ACP1: variants seen among roughly 807,000 people sequenced by gnomAD.
The protein encoded by ACP1 is low molecular weight phosphotyrosine protein phosphatase.
Under a neutral mutation model 23.4 loss-of-function variants are expected in ACP1, and 23 were observed. The observed-to-expected ratio is 0.98, with a 90% CI of 0.71 to 1.39. ACP1 has a LOEUF of 1.39. Among genes scored for constraint, ACP1 ranks in the 40% most tolerant of loss-of-function variants. The pLI is 0.00. For missense variants in ACP1, 180 were observed against 197.7 expected, an observed-to-expected ratio of 0.91 and a Z score of 0.54; for synonymous variants, 72 against 67.2, an observed-to-expected ratio of 1.07 and a Z score of -0.35.
chr2:267,203 AT>A, intron 1 of ACP1, among the ~76,000 whole-genome samples: 1 of 152,208 alleles, frequency 6.6e-6, no homozygotes, highest in East Asian at 1.9e-4. Flanking sequence ...AGAGGGGACT[AT>A]TGTATTTCAA....
Position 275,168 on chromosome 2 carries a change from A to T in ACP1, c.260A>T (p.Asp87Val), listed in dbSNP as rs1303757270. The change falls in exon 4 of 6, where the codon GAT (aspartate) becomes GTT (valine). Residue 87 changes from aspartate (D) to valine (V), a missense_variant. Asp to Val is a radical substitution (Grantham distance 152). Coordinates refer to ENST00000272065, the MANE Select transcript of ACP1 (RefSeq NM_004300.4). ...QITKEDFATFDYILCMDESNL... is the reference protein window; with the variant it reads ...QITKEDFATFVYILCMDESNL... The stretch of plus-strand genomic sequence containing the variant: ...ACCAAAGAAGATTTTGCCACATTTG[A>T]TTATATACTATGTATGGATGAAAGC... The T allele has an allele frequency of 6.5e-7, 1 of 1,544,148 alleles. No homozygotes were observed. Among genetic ancestry groups the T allele is most frequent in the African/African-American group, 1.4e-5 (1 of 73,942 alleles).
At chr2:272,478 T>A (rs567936422) in intron 3 of ACP1, 8 of 1,434,194 alleles carry the variant, frequency 5.6e-6, no homozygotes, top group Non-Finnish European at 7.3e-6. Flanking sequence ...AAGACTTGCC[T>A]GACTTTGGAA....
Position 272,076 on chromosome 2 carries a change from G to A in ACP1, c.157G>A (p.Gly53Arg). The A allele has an allele frequency of 6.2e-7, 1 of 1,614,110 alleles. No individual in the cohort carries two copies. Among genetic ancestry groups the A allele is most frequent in the South Asian group, 1.1e-5 (1 of 91,086 alleles). ...DSAATSGYEI[G>R]NPPDYRGQSC... The stretch of plus-strand genomic sequence containing the variant: ...CGCGGCAACTTCCGGGTATGAGATA[G>A]GGAACCCCCCTGACTACCGAGGGCA... The change falls in exon 3 of 6, where the codon GGG becomes AGG. Residue 53 changes from glycine to arginine, a missense_variant. By Grantham distance (125) the Gly-to-Arg change is moderately radical. Coordinates refer to ENST00000272065, the MANE Select transcript of ACP1 (RefSeq NM_004300.4).
chr2:277,327 G>A lies in ACP1; in HGVS notation c.*23G>A, dbSNP rs1363503621. On this transcript the variant is annotated 3_prime_UTR_variant, in exon 6 of 6. Coordinates refer to ENST00000272065, the MANE Select transcript of ACP1 (RefSeq NM_004300.4). ...TGAGGCAGGTTCGTGCCCTGCTGCGGCCAGCCTGACTAGACCCCACCCTGA... is the reference window on the plus strand; with the variant it reads ...TGAGGCAGGTTCGTGCCCTGCTGCGACCAGCCTGACTAGACCCCACCCTGA... 6.2e-7 allele frequency: 1 copy of A among 1,610,598 alleles called. No individual in the cohort carries two copies. Among genetic ancestry groups the A allele is most frequent in the Non-Finnish European group, 8.5e-7 (1 of 1,178,490 alleles).
At chr2:270,313 C>G (rs986612293) in intron 1 of ACP1, among the ~76,000 whole-genome samples, 1 of 152,114 alleles carries the variant, frequency 6.6e-6, no homozygotes, top group African/African-American at 2.4e-5. Context: ...AAATGTTGGC[C>G]CAGTGTTTTA....
Position 277,451 on chromosome 2 carries a change from G to A in ACP1, c.*147G>A, listed in dbSNP as rs1670206672. On this transcript the variant is annotated 3_prime_UTR_variant, in exon 6 of 6. Coordinates refer to ENST00000272065, the MANE Select transcript of ACP1 (RefSeq NM_004300.4). ...CTGTTTCTTACCTTAAAAAGTAATTGTAGATGGAAATCAGTTGTGTTTGGC... is the reference window on the plus strand; with the variant it reads ...CTGTTTCTTACCTTAAAAAGTAATTATAGATGGAAATCAGTTGTGTTTGGC... 8.7e-6 allele frequency: 6 copies of A among 693,496 alleles called. No homozygotes were observed. The highest frequency in any genetic ancestry group is 3.6e-5 in the African/African-American group (2 of 56,038). The allele number at this position is 693,496 out of a possible 1,614,324, so 43.0% of individuals were successfully genotyped here.
intron 1 of ACP1, among the ~76,000 whole-genome samples, chr2:267,325 G>A (rs1220905193): frequency 2.0e-5 from 3 of 152,186 alleles, no homozygotes; most frequent in South Asian, 4.1e-4. Flanking sequence ...TGGAGCTCAC[G>A]TTCTCTCAGT....
intron 2 of ACP1, 38 bp from the exon 3 acceptor site, chr2:271,999 A>C (rs1162513444): frequency 4.4e-5 from 7 of 160,540 alleles, no homozygotes; most frequent in Non-Finnish European, 5.3e-5. Flanking sequence ...AGGAAATTGC[A>C]AAAAAAAAAA....
At chr2:276,718 G>C (rs1472164283) in intron 4 of ACP1, among the ~76,000 whole-genome samples, 1 of 152,136 alleles carries the variant, frequency 6.6e-6, no homozygotes, top group Non-Finnish European at 1.5e-5. Flanking sequence ...TGTATTTTGT[G>C]GGAGAAAATA....
At chr2:269,725 A>G (rs1669981019) in intron 1 of ACP1, among the ~76,000 whole-genome samples, 1 of 152,138 alleles carries the variant, frequency 6.6e-6, no homozygotes. Context: ...GCAAGCCATA[A>G]AACCTAGAAA....
intron 5 of ACP1, 66 bp downstream of exon 5, chr2:277,151 A>ATT: frequency 6.3e-7 from 1 of 1,582,184 alleles, no homozygotes; most frequent in Non-Finnish European, 8.7e-7. Flanking sequence ...GCCATATTAA[A>ATT]TAACAGATGA....
intron 1 of ACP1, among the ~76,000 whole-genome samples, chr2:271,647 G>C (rs1411252321): frequency 6.6e-6 from 1 of 152,068 alleles, no homozygotes; most frequent in African/African-American, 2.4e-5. Flanking sequence ...GGAGTACTTG[G>C]CTGGTTGGTG....
At chr2:271,812 T>C (rs1670040901) in intron 1 of ACP1, 54 bp from the exon 2 acceptor site, 1 of 1,402,350 alleles carries the variant, frequency 7.1e-7, no homozygotes, top group Non-Finnish European at 1.0e-6. Flanking sequence ...GGAGCTGGCA[T>C]GTGCCCTTCC....
chr2:267,652 T>C (rs1288001074), intron 1 of ACP1, among the ~76,000 whole-genome samples: 1 of 152,254 alleles, frequency 6.6e-6, no homozygotes, highest in African/African-American at 2.4e-5. Flanking sequence ...GGATTCCTCA[T>C]CTATACCTGA....
At position 277,036 on chromosome 2, in the gene ACP1, T is replaced by G; in HGVS notation, c.350T>G (p.Leu117Arg). 1 of 1,613,330 alleles carries G rather than the reference T, an allele frequency of 6.2e-7. No individual in the cohort carries two copies. Among genetic ancestry groups the G allele is most frequent in the Non-Finnish European group, 8.5e-7 (1 of 1,179,624 alleles). The change falls in exon 5 of 6, where the codon CTT (leucine) becomes CGT (arginine). Residue 117 changes from leucine to arginine, a missense_variant. Physicochemically the swap from Leu to Arg is moderately radical, Grantham distance 102 (BLOSUM62 -2). This residue lies in a region of ACP1 where 13 missense variants were observed against 33.0 expected (regional missense o/e 0.39). Coordinates refer to ENST00000272065, the MANE Select transcript of ACP1 (RefSeq NM_004300.4). ...ACCTGCAAAGCTAAAATTGAACTACTTGGGAGCTATGATCCACAAAAACAA... is the reference window on the plus strand; with the variant it reads ...ACCTGCAAAGCTAAAATTGAACTACGTGGGAGCTATGATCCACAAAAACAA... ...VKTCKAKIELLGSYDPQKQLI... is the reference protein window; with the variant it reads ...VKTCKAKIELRGSYDPQKQLI...
chr2:265,070 G>C, intron 1 of ACP1, 63 bp downstream of exon 1: 1 of 1,594,746 alleles, frequency 6.3e-7, no homozygotes, highest in Non-Finnish European at 8.6e-7. Flanking sequence ...GGGCTTGTGC[G>C]CTGTAGGTTG....
At chr2:273,730 C>G (rs892786767) in intron 3 of ACP1, among the ~76,000 whole-genome samples, 1 of 152,150 alleles carries the variant, frequency 6.6e-6, no homozygotes, top group African/African-American at 2.4e-5. Context: ...ATAGCTGTTT[C>G]TTTCTCAATT....
At chr2:268,341 A>AC (rs1263205510) in intron 1 of ACP1, among the ~76,000 whole-genome samples, 2 of 152,170 alleles carry the variant, frequency 1.3e-5, no homozygotes, top group Non-Finnish European at 2.9e-5. Flanking sequence ...ATTTGTTTGG[A>AC]CCCTATTGAG....
intron 3 of ACP1, chr2:272,562 G>A (rs1221770299): frequency 8.0e-6 from 9 of 1,118,138 alleles, no homozygotes; most frequent in African/African-American, 4.7e-5. Flanking sequence ...GGGGCTGAGC[G>A]GTGCTCTGTC....
Sources: allele counts gnomAD v4.1 joint callset (sites outside exome capture counted in the v4.1 genomes callset), GRCh38; gene constraint gnomAD v4.1.1; regional missense constraint gnomAD v4.1.1; transcripts MANE v1.5; gene names NCBI Gene and HGNC (gene_info 2026-07-23, HGNC 2026-07-21).